SYNE1: variants seen among roughly 807,000 people sequenced by gnomAD.
SYNE1 encodes the protein nesprin-1.
In SYNE1, 616 loss-of-function variants were observed where a neutral mutation model predicts 1,111.0. That is an observed-to-expected ratio of 0.55 (90% CI 0.52 to 0.59). The LOEUF is 0.59. Ranked by LOEUF, SYNE1 falls within the 20% of genes least tolerant of loss-of-function variation. The pLI is 0.00. For missense variants in SYNE1, 10,006 were observed against 10,417.0 expected (o/e 0.96, Z 1.72); for synonymous variants, 3,855 against 3,825.8 (o/e 1.01, Z -0.28).
chr6:152,302,511 C>A (rs1391227862), intron 91 of SYNE1, among the ~76,000 whole-genome samples: 1 of 152,230 alleles, frequency 6.6e-6, no homozygotes, highest in African/African-American at 2.4e-5. Context: ...TCTTACCCTA[C>A]TGAGTACATT....
chr6:152,574,536 T>C (rs1235635035), intron 3 of SYNE1, among the ~76,000 whole-genome samples: 1 of 152,164 alleles, frequency 6.6e-6, no homozygotes, highest in Non-Finnish European at 1.5e-5. Flanking sequence ...GTTGGTTGAT[T>C]AAGCTTAAGC....
intron 62 of SYNE1, 146 bp downstream of exon 62, chr6:152,367,072 C>G (rs867189849): frequency 3.0e-6 from 3 of 1,006,206 alleles, no homozygotes; most frequent in Admixed American, 3.7e-5. Flanking sequence ...GCATGTGCAC[C>G]CAAGGCAGAC....
intron 28 of SYNE1, among the ~76,000 whole-genome samples, chr6:152,448,911 C>T (rs2098621053): frequency 3.3e-5 from 5 of 152,178 alleles, no homozygotes; most frequent in Admixed American, 3.3e-4. Flanking sequence ...TTCTCCCCAA[C>T]AGCAACTATG....
chr6:152,398,493 C>T (rs1195536883), intron 49 of SYNE1, 126 bp downstream of exon 49: 17 of 788,666 alleles, frequency 2.2e-5, no homozygotes, highest in Non-Finnish European at 3.8e-5. Context: ...CTCAATCAGC[C>T]TAATTCTGTT....
rs911901100 is a variant in SYNE1, at chr6:152,451,267, T to A, written c.3028-62A>T. 3.9e-6 allele frequency: 6 copies of A among 1,539,890 alleles called. No individual in the cohort carries two copies. In the South Asian group the frequency reaches 5.7e-5, roughly 15 times the overall value. ...AGTTCCTGATTATGTACATTCCCAA[T>A]TGAAGTGGCAAAAAAAAAAACAAAA... On this transcript the variant is annotated intron_variant, in intron 25 of 145. Transcript: ENST00000367255.
intron 2 of SYNE1, among the ~76,000 whole-genome samples, chr6:152,629,541 GGGAGGGGAGGA>G (rs2099693934): frequency 8.6e-6 from 1 of 115,910 alleles, no homozygotes; most frequent in Non-Finnish European, 1.8e-5. Context: ...GGGGGGGAGG[GGGAGGGGAGGA>G]GGGGGTGCAG....
intron 130 of SYNE1, among the ~76,000 whole-genome samples, chr6:152,165,496 C>G (rs897495269): frequency 6.6e-6 from 1 of 152,056 alleles, no homozygotes; most frequent in African/African-American, 2.4e-5. Context: ...ATTAATAATT[C>G]TTCTATTTGA....
In SYNE1 at chr6:152,354,800, G is replaced by A. The variant is rs377049622; in HGVS notation, c.10785C>T (p.Asn3595=). The A allele has an allele frequency of 6.2e-5, 100 of 1,614,106 alleles. No homozygotes were observed. Among genetic ancestry groups the A allele is most frequent in the East Asian group, 2.2e-4 (10 of 44,862 alleles). Residue 3595 remains asparagine, a synonymous_variant, in exon 67 of 146, where the codon AAC becomes AAT. Coordinates refer to ENST00000367255, the MANE Select transcript of SYNE1 (RefSeq NM_182961.4). ...RLSETRTQFN[N]VVNKLRLMEQ... Reference sequence around the variant, plus strand: ...CCATTAGCCTCAATTTGTTCACCACGTTATTGAACTGAGTTCGAGTCTCGG... The same window carrying A: ...CCATTAGCCTCAATTTGTTCACCACATTATTGAACTGAGTTCGAGTCTCGG...
chr6:152,526,004 G>T, intron 5 of SYNE1, 76 bp downstream of exon 5: 1 of 1,339,764 alleles, frequency 7.5e-7, no homozygotes, highest in Non-Finnish European at 1.1e-6. Context: ...GCACATCTTA[G>T]CACTCTCAAC....
Position 152,331,088 on chromosome 6 carries a change from G to A in SYNE1, c.13597C>T (p.Leu4533=), listed in dbSNP as rs748543392. 6.2e-7 allele frequency: 1 copy of A among 1,614,108 alleles called. No homozygotes were observed. The highest frequency in any genetic ancestry group is 8.5e-7 in the Non-Finnish European group (1 of 1,180,026). Residue 4533 remains leucine, a synonymous_variant, in exon 78 of 146, where the codon CTG becomes TTG. Coordinates refer to ENST00000367255, the MANE Select transcript of SYNE1 (RefSeq NM_182961.4). The part of the protein sequence containing the change: ...EVTEQEKSEV[L]GKLQELQSVY... ...CTCTGCAATTCCTGAAGCTTCCCCAGCACTTCACTCTTTTCCTGCTCTGTG... is the reference window on the plus strand; with the variant it reads ...CTCTGCAATTCCTGAAGCTTCCCCAACACTTCACTCTTTTCCTGCTCTGTG...
intron 33 of SYNE1, 117 bp downstream of exon 33, chr6:152,435,824 T>A: frequency 7.7e-7 from 1 of 1,295,810 alleles, no homozygotes; most frequent in Non-Finnish European, 1.1e-6. Flanking sequence ...CCTCAAAACA[T>A]GCTGAAATAC....
intron 77 of SYNE1, among the ~76,000 whole-genome samples, chr6:152,333,553 C>T (rs2096300002): frequency 6.6e-6 from 1 of 152,110 alleles, no homozygotes; most frequent in Non-Finnish European, 1.5e-5. Context: ...ACTCTATATC[C>T]ATTTGAAAAC....
At chr6:152,377,646 T>TAC (rs2097318067) in intron 56 of SYNE1, among the ~76,000 whole-genome samples, 1 of 87,066 alleles carries the variant, frequency 1.1e-5, no homozygotes, top group Admixed American at 1.1e-4. Flanking sequence ...AAAAAATATA[T>TAC]ATATATATAT....
intron 5 of SYNE1, 87 bp from the exon 6 acceptor site, chr6:152,520,629 T>C (rs773345074): frequency 5.1e-5 from 74 of 1,439,606 alleles, no homozygotes; most frequent in Non-Finnish European, 6.8e-5. Context: ...GGATTAAAAA[T>C]ATACTTGAAG....
At chr6:152,571,236 T>C (rs1041286202) in intron 3 of SYNE1, among the ~76,000 whole-genome samples, 1 of 152,226 alleles carries the variant, frequency 6.6e-6, no homozygotes, top group African/African-American at 2.4e-5. Flanking sequence ...TCTTCTGAGA[T>C]TGCTTAAGAA....
Position 152,309,866 on chromosome 6 carries a change from T to C in SYNE1, c.17171A>G (p.His5724Arg). Residue 5724 changes from histidine (H) to arginine (R), a missense_variant, in exon 90 of 146, where the codon CAC (histidine) becomes CGC (arginine). Physicochemically the swap from His to Arg is conservative, Grantham distance 29. Transcript: ENST00000367255. ...GATGTTACACTGCTGGATGGCGGTG[T>C]GCTGCAGCCGGCTGGCCTCTTCCTG... ...RLQEEASRLQ[H>R]TAIQQCNIMQ... is the part of the protein sequence containing the mutation. 6.2e-7 allele frequency: 1 copy of C among 1,614,078 alleles called. No homozygotes were observed. The highest frequency in any genetic ancestry group is 8.5e-7 in the Non-Finnish European group (1 of 1,180,042).
chr6:152,469,965 A>C (rs1490469768), intron 16 of SYNE1, among the ~76,000 whole-genome samples: 1 of 152,184 alleles, frequency 6.6e-6, no homozygotes, highest in Non-Finnish European at 1.5e-5. Flanking sequence ...AAAACTATTA[A>C]ACAAAATTAC....
chr6:152,601,703 A>C (rs2099596595), intron 3 of SYNE1, among the ~76,000 whole-genome samples: 1 of 152,198 alleles, frequency 6.6e-6, no homozygotes, highest in African/African-American at 2.4e-5. Flanking sequence ...ACTTAGCAAT[A>C]GTTCTGGGAA....
At chr6:152,176,653 A>G (rs2066517028) in intron 129 of SYNE1, 93 bp from the exon 130 acceptor site, 9 of 1,293,854 alleles carry the variant, frequency 7.0e-6, no homozygotes, top group Non-Finnish European at 3.3e-6. Flanking sequence ...ACTGCTTTCT[A>G]CTGCTTGGAA....
Sources: allele counts gnomAD v4.1 joint callset (sites outside exome capture counted in the v4.1 genomes callset), GRCh38; gene constraint gnomAD v4.1.1; transcripts MANE v1.5; gene names NCBI Gene and HGNC (gene_info 2026-07-23, HGNC 2026-07-21).